The following FAM135B variants were observed in gnomAD, a reference collection of about 807,000 sequenced individuals.
FAM135B encodes the protein protein FAM135B.
In FAM135B, 43 loss-of-function variants were observed where a neutral mutation model predicts 127.7. The ratio of observed to expected loss-of-function variants is 0.34; its 90% confidence interval spans 0.26 to 0.43. The LOEUF (loss-of-function observed/expected upper bound fraction) is 0.43, where lower values mean the gene tolerates loss of function less well. Ranked by LOEUF, FAM135B falls within the 20% of genes least tolerant of loss-of-function variation. The pLI is 1.00. For synonymous variants in FAM135B, 670 were observed against 665.1 expected (o/e 1.01, Z -0.11); for missense variants, 1,558 against 1,725.6 (o/e 0.90, Z 1.72).
At chr8:138,229,504 G>A (rs941548541) in intron 7 of FAM135B, among the ~76,000 whole-genome samples, 2 of 152,064 alleles carry the variant, frequency 1.3e-5, no homozygotes, top group South Asian at 2.1e-4. Flanking sequence ...AGTAACAAAC[G>A]ACCCTAAACT....
At chr8:138,372,696 C>T (rs909156171) in intron 1 of FAM135B, among the ~76,000 whole-genome samples, 25 of 152,206 alleles carry the variant, frequency 1.6e-4, no homozygotes, top group South Asian at 6.2e-4. Context: ...TTTCAATACG[C>T]GCAGACTATG....
chr8:138,385,937 C>T, intron 1 of FAM135B, among the ~76,000 whole-genome samples: 1 of 151,776 alleles, frequency 6.6e-6, no homozygotes, highest in East Asian at 2.0e-4. Flanking sequence ...CAAAACCTAA[C>T]CCAGCCAGGC....
chr8:138,363,243 G>A (rs1221897617), intron 2 of FAM135B, among the ~76,000 whole-genome samples: 1 of 152,150 alleles, frequency 6.6e-6, no homozygotes, highest in African/African-American at 2.4e-5. Flanking sequence ...ACTTGTAGTA[G>A]TGAAAATTTA....
At chr8:138,310,724 C>T in intron 3 of FAM135B, 117 bp downstream of exon 3, 2 of 875,428 alleles carry the variant, frequency 2.3e-6, no homozygotes, top group African/African-American at 3.4e-5. Context: ...ATCCAACATT[C>T]ACCACAGATT....
At chr8:138,157,920 A>T (rs1012617885) in intron 12 of FAM135B, among the ~76,000 whole-genome samples, 19 of 152,310 alleles carry the variant, frequency 1.2e-4, no homozygotes, top group African/African-American at 4.6e-4. Flanking sequence ...GCTACCAATG[A>T]CTTTCTTCAC....
chr8:138,435,611 T>C (rs1325244271), intron 1 of FAM135B, among the ~76,000 whole-genome samples: 3 of 152,226 alleles, frequency 2.0e-5, no homozygotes, highest in South Asian at 4.1e-4. Context: ...TAGTTATGTA[T>C]AGTTTTAGAA....
chr8:138,236,145 T>C (rs555153424), intron 7 of FAM135B, among the ~76,000 whole-genome samples: 5 of 152,304 alleles, frequency 3.3e-5, no homozygotes, highest in African/African-American at 7.2e-5. Context: ...AACACTCATT[T>C]ACTCAACAAA....
chr8:138,331,235 T>C (rs1828152360), intron 2 of FAM135B, among the ~76,000 whole-genome samples: 1 of 152,166 alleles, frequency 6.6e-6, no homozygotes, highest in South Asian at 2.1e-4. Context: ...CACAGACACA[T>C]TATTTGGAAA....
intron 8 of FAM135B, 117 bp from the exon 9 acceptor site, chr8:138,195,424 A>G (rs1279101004): frequency 2.2e-6 from 2 of 912,006 alleles, no homozygotes; most frequent in South Asian, 1.4e-5. Context: ...AGACAAACAC[A>G]TTGCTGAGGA....
At chr8:138,173,945 A>T (rs968694429) in intron 11 of FAM135B, among the ~76,000 whole-genome samples, 1 of 152,166 alleles carries the variant, frequency 6.6e-6, no homozygotes, top group Admixed American at 6.5e-5. Flanking sequence ...CTACTGGTCA[A>T]TTCTAGATTA....
intron 2 of FAM135B, among the ~76,000 whole-genome samples, chr8:138,337,496 C>G (rs1828694393): frequency 6.6e-6 from 1 of 150,838 alleles, no homozygotes; most frequent in Non-Finnish European, 1.5e-5. Context: ...CATGAGTGAA[C>G]TCCCATTCAC....
At chr8:138,248,674 G>C (rs1821467949) in intron 6 of FAM135B, among the ~76,000 whole-genome samples, 1 of 151,872 alleles carries the variant, frequency 6.6e-6, no homozygotes, top group South Asian at 2.1e-4. Context: ...ACAAAAATTA[G>C]CCAAGCATGA....
At position 138,132,013 on chromosome 8, in the gene FAM135B, T is replaced by C. The variant is rs1311130468; in HGVS notation, c.*580A>G. The C allele has an allele frequency of 6.5e-6, 1 of 153,748 alleles. No homozygotes were observed. Among genetic ancestry groups the C allele is most frequent in the East Asian group, 1.9e-4 (1 of 5,202 alleles). The allele number at this position is 153,748 out of a possible 1,614,324, so 9.5% of individuals were successfully genotyped here. ...CACCCTGCTCACTGCTGTTATGAAA[T>C]AGAACTGGGATTTGTAACACATTCC... On this transcript the variant is annotated 3_prime_UTR_variant, in exon 20 of 20. Transcript: ENST00000395297. This position sits in a 1 kb window ranked among gnomAD's most constrained non-coding sequence, Gnocchi z 4.5.
intron 1 of FAM135B, among the ~76,000 whole-genome samples, chr8:138,371,888 C>A (rs763817617): frequency 6.6e-6 from 1 of 152,234 alleles, no homozygotes; most frequent in Admixed American, 6.5e-5. Context: ...CACCTTCAAA[C>A]CTGTACTTCC....
At chr8:138,340,001 G>A (rs1332363786) in intron 2 of FAM135B, among the ~76,000 whole-genome samples, 15 of 152,168 alleles carry the variant, frequency 9.9e-5, no homozygotes, top group African/African-American at 1.7e-4. Context: ...ATCCCTGGAC[G>A]CCAGGCCTGG....
Position 138,242,534 on chromosome 8 carries a change from G to A in FAM135B, c.669+408C>T, listed in dbSNP as rs915275118. 3.3e-5 allele frequency among the ~76,000 whole-genome samples: 5 copies of A among 152,070 alleles called. No homozygotes were observed. Among genetic ancestry groups the A allele is most frequent in the Non-Finnish European group, 4.4e-5 (3 of 68,010 alleles). On this transcript the variant is annotated intron_variant, in intron 7 of 19. Transcript: ENST00000395297. This position sits in a 1 kb window ranked among gnomAD's most constrained non-coding sequence, Gnocchi z 9.6. ...CTCCATGAGATTATTAGCTATTGGG[G>A]AGCCCACTCTACAGGTGGGAAAACT...
At chr8:138,315,105 C>T (rs144613184) in intron 2 of FAM135B, among the ~76,000 whole-genome samples, 1 of 152,032 alleles carries the variant, frequency 6.6e-6, no homozygotes, top group East Asian at 1.9e-4. Flanking sequence ...GAAAATCATG[C>T]AACTCAATAG....
At chr8:138,320,914 T>C (rs1006086796) in intron 2 of FAM135B, among the ~76,000 whole-genome samples, 12 of 152,204 alleles carry the variant, frequency 7.9e-5, no homozygotes, top group African/African-American at 2.7e-4. Flanking sequence ...TATTCTATAA[T>C]GGGAATACAG....
At chr8:138,365,347 C>T (rs1014688037) in intron 2 of FAM135B, among the ~76,000 whole-genome samples, 3 of 152,090 alleles carry the variant, frequency 2.0e-5, no homozygotes, top group African/African-American at 7.2e-5. Flanking sequence ...ATTTTTCAAG[C>T]TTTTTAACAA....
Sources: gnomAD v4.1 joint callset for allele counts (sites outside exome capture counted in the v4.1 genomes callset) on GRCh38, gnomAD v4.1.1 for gene constraint, Gnocchi (gnomAD v3.1) non-coding constraint, MANE v1.5 for transcripts, NCBI Gene and HGNC (gene_info 2026-07-23, HGNC 2026-07-21) for gene names.